RAB3C: variants seen among roughly 807,000 people sequenced by gnomAD.
RAB3C encodes ras-related protein Rab-3C.
Under a neutral mutation model 26.4 loss-of-function variants are expected in RAB3C, and 17 were observed. The observed-to-expected ratio is 0.64, with a 90% CI of 0.44 to 0.97. RAB3C has a LOEUF of 0.97. Ranked by LOEUF, RAB3C falls within the 50% of genes least tolerant of loss-of-function variation. The probability of loss-of-function intolerance (pLI) is 0.00; values close to 1 mark genes in which losing one functional copy is unlikely to be tolerated. For missense variants in RAB3C, 242 were observed against 281.9 expected, an observed-to-expected ratio of 0.86 and a Z score of 1.01; for synonymous variants, 91 against 95.9, an observed-to-expected ratio of 0.95 and a Z score of 0.30.
intron 1 of RAB3C, among the ~76,000 whole-genome samples, chr5:58,596,659 AATATATT>A (rs1294678005): frequency 2.3e-3 from 81 of 34,820 alleles, no homozygotes; most frequent in Non-Finnish European, 4.2e-3. Context: ...TATAATACAT[AATATATT>A]ATATATAAAT....
At chr5:58,616,433 C>T (rs1746826986) in intron 1 of RAB3C, among the ~76,000 whole-genome samples, 1 of 152,108 alleles carries the variant, frequency 6.6e-6, no homozygotes, top group African/African-American at 2.4e-5. Context: ...AGCAAATGTA[C>T]TAATCAGTGG....
intron 2 of RAB3C, among the ~76,000 whole-genome samples, chr5:58,703,226 A>G (rs1349171116): frequency 6.6e-6 from 1 of 152,096 alleles, no homozygotes; most frequent in Non-Finnish European, 1.5e-5. Context: ...CTTGTTGCCC[A>G]GGCTGGAGTG....
At chr5:58,824,951 C>A in intron 3 of RAB3C, 87 bp from the exon 4 acceptor site, 1 of 890,220 alleles carries the variant, frequency 1.1e-6, no homozygotes, top group Non-Finnish European at 1.7e-6. Flanking sequence ...TTGCTACCAT[C>A]ATCATCTGTG....
intron 3 of RAB3C, 121 bp downstream of exon 3, chr5:58,726,241 C>T: frequency 1.9e-6 from 1 of 514,954 alleles, no homozygotes; most frequent in Non-Finnish European, 3.5e-6. Flanking sequence ...CACTACAATC[C>T]CGCTTGTGCT....
chr5:58,831,768 A>T (rs1743617963), intron 4 of RAB3C, among the ~76,000 whole-genome samples: 1 of 152,180 alleles, frequency 6.6e-6, no homozygotes, highest in Admixed American at 6.5e-5. Flanking sequence ...TTTCTCAAAA[A>T]AATAATAATA....
intron 2 of RAB3C, among the ~76,000 whole-genome samples, chr5:58,722,291 A>T (rs900016177): frequency 6.6e-6 from 1 of 151,714 alleles, no homozygotes; most frequent in Non-Finnish European, 1.5e-5. Context: ...ACCTTTTAGC[A>T]GTGTCTTGGT....
intron 2 of RAB3C, among the ~76,000 whole-genome samples, chr5:58,706,320 G>A (rs1418374478): frequency 6.6e-6 from 1 of 152,040 alleles, no homozygotes; most frequent in Non-Finnish European, 1.5e-5. Context: ...GCCACCTTGG[G>A]CATTCGTCTC....
intron 3 of RAB3C, among the ~76,000 whole-genome samples, chr5:58,807,971 A>T (rs562142532): frequency 1.3e-5 from 2 of 152,310 alleles, no homozygotes; most frequent in African/African-American, 2.4e-5. Flanking sequence ...CACACCTGTA[A>T]TCCCAGTGCT....
chr5:58,830,771 A>G (rs1223893890), intron 4 of RAB3C, among the ~76,000 whole-genome samples: 1 of 152,098 alleles, frequency 6.6e-6, no homozygotes, highest in African/African-American at 2.4e-5. Context: ...TATTTATACA[A>G]TTTCCACCAG....
At chr5:58,676,733 C>T (rs1395383806) in intron 2 of RAB3C, among the ~76,000 whole-genome samples, 1 of 152,178 alleles carries the variant, frequency 6.6e-6, no homozygotes. Flanking sequence ...GCTTTGGGAC[C>T]TCAGCTGAAA....
intron 2 of RAB3C, chr5:58,647,857 A>C (rs893851382): frequency 2.6e-5 from 4 of 152,220 alleles, no homozygotes; most frequent in Non-Finnish European, 5.9e-5. Context: ...TTCCTTTGAT[A>C]ATGAGTATGA....
chr5:58,690,478 A>G (rs958156232), intron 2 of RAB3C, among the ~76,000 whole-genome samples: 1 of 152,148 alleles, frequency 6.6e-6, no homozygotes, highest in Non-Finnish European at 1.5e-5. Context: ...TGATATCTCA[A>G]CTGGGGTGGC....
chr5:58,634,322 C>A (rs1055971864), intron 2 of RAB3C, among the ~76,000 whole-genome samples: 3 of 152,130 alleles, frequency 2.0e-5, no homozygotes, highest in African/African-American at 7.2e-5. Context: ...TGGGAGAACT[C>A]TGCCTTCCAG....
chr5:58,671,600 C>G (rs562097613), intron 2 of RAB3C, among the ~76,000 whole-genome samples: 1 of 152,304 alleles, frequency 6.6e-6, no homozygotes, highest in Non-Finnish European at 1.5e-5. Context: ...TCAAGCATAT[C>G]TGCTTTTAAC....
intron 3 of RAB3C, among the ~76,000 whole-genome samples, chr5:58,740,817 C>T (rs1741259129): frequency 6.6e-6 from 1 of 151,994 alleles, no homozygotes; most frequent in Non-Finnish European, 1.5e-5. Flanking sequence ...GAGACTCCAT[C>T]TCAGAAAAAT....
chr5:58,683,811 G>C (rs530856784), intron 2 of RAB3C, among the ~76,000 whole-genome samples: 1 of 152,254 alleles, frequency 6.6e-6, no homozygotes, highest in African/African-American at 2.4e-5. Context: ...AGTGGCTACT[G>C]TGGTTATCAG....
chr5:58,836,901 G>A (rs1387670860), intron 4 of RAB3C, among the ~76,000 whole-genome samples: 1 of 152,188 alleles, frequency 6.6e-6, no homozygotes, highest in Admixed American at 6.5e-5. Context: ...ATGCTAAGTA[G>A]TGAGTTTGTT....
At chr5:58,603,854 G>A (rs372468074) in intron 1 of RAB3C, among the ~76,000 whole-genome samples, 3 of 152,288 alleles carry the variant, frequency 2.0e-5, no homozygotes, top group South Asian at 4.1e-4. Context: ...GTGAACTAGT[G>A]TGATTTTTAG....
intron 3 of RAB3C, among the ~76,000 whole-genome samples, chr5:58,737,329 T>G (rs1363592773): frequency 6.8e-6 from 1 of 147,474 alleles, no homozygotes; most frequent in Non-Finnish European, 1.5e-5. Flanking sequence ...ATTGCAACCT[T>G]CTGCAGTCCT....
Sources: allele counts gnomAD v4.1 joint callset (sites outside exome capture counted in the v4.1 genomes callset), GRCh38; gene constraint gnomAD v4.1.1; transcripts MANE v1.5; gene names NCBI Gene and HGNC (gene_info 2026-07-23, HGNC 2026-07-21).